Variants in ZNF91 observed in about 807,000 individuals in gnomAD.
ZNF91 encodes the protein zinc finger protein 91 (HPF7, HTF10).
A neutral mutation model predicts 12.6 loss-of-function variants in ZNF91; 7 were observed. The ratio of observed to expected loss-of-function variants is 0.55; its 90% confidence interval spans 0.31 to 1.04. The LOEUF (loss-of-function observed/expected upper bound fraction) is 1.04, where lower values mean the gene tolerates loss of function less well. Ranked by LOEUF, ZNF91 falls within the 50% of genes least tolerant of loss-of-function variation. The pLI is 0.05. For synonymous variants in ZNF91, 453 were observed against 462.6 expected (o/e 0.98, Z 0.27); for missense variants, 1,217 against 1,385.4 (o/e 0.88, Z 1.93).
chr19:23,334,622 A>G (rs544931289), downstream of ZNF91, among the ~76,000 whole-genome samples: 76 of 152,306 alleles, frequency 5.0e-4, no homozygotes, highest in African/African-American at 1.8e-3. Context: ...AACTTCCCTA[A>G]TTGTATTTAC....
At chr19:23,337,341 T>A (rs999027061), downstream of ZNF91, among the ~76,000 whole-genome samples, 1 of 116,936 alleles carries the variant, frequency 8.6e-6, no homozygotes, top group African/African-American at 2.6e-5. Context: ...TATATATGTG[T>A]GTGTGTATGT....
intron 1 of ZNF91, among the ~76,000 whole-genome samples, chr19:23,388,680 T>C (rs1225151353): frequency 1.3e-5 from 2 of 152,150 alleles, no homozygotes; most frequent in Non-Finnish European, 2.9e-5. Context: ...GAGACCAGCC[T>C]GGCCATTATG....
chr19:23,372,875 T>G (rs1568394825), intron 3 of ZNF91, among the ~76,000 whole-genome samples: 2 of 152,178 alleles, frequency 1.3e-5, no homozygotes, highest in Non-Finnish European at 2.9e-5. Flanking sequence ...CTCATCCACA[T>G]CCTCATATAA....
At chr19:23,353,959 T>G (rs1275918342), downstream of ZNF91, among the ~76,000 whole-genome samples, 1 of 151,910 alleles carries the variant, frequency 6.6e-6, no homozygotes, top group East Asian at 1.9e-4. Flanking sequence ...AATTTAAAAA[T>G]TACCAACAAA....
chr19:23,361,112 T>C lies in ZNF91; in HGVS notation c.1867A>G (p.Ile623Val). ...WSSTLRRHKR[I>V]HTGEKPYKCE... ...TTGTAGGGTTTCTCTCCAGTGTGTA[T>C]CCTCTTATGTCTTCTTAGGGTTGAG... The change falls in exon 4 of 4, where the codon ATA (isoleucine) becomes GTA (valine). Residue 623 changes from isoleucine to valine, a missense_variant. This residue lies in a region of ZNF91 where 726 missense variants were observed against 895.5 expected (regional missense o/e 0.81). Coordinates refer to ENST00000300619, the MANE Select transcript of ZNF91 (RefSeq NM_003430.4). 6.2e-7 allele frequency: 1 copy of C among 1,613,980 alleles called. No homozygotes were observed. The highest frequency in any genetic ancestry group is 1.3e-5 in the African/African-American group (1 of 75,044).
chr19:23,309,748 G>C (rs976987927), intron 1 of ZNF91, among the ~76,000 whole-genome samples: 2 of 152,126 alleles, frequency 1.3e-5, no homozygotes, highest in Admixed American at 1.3e-4. Context: ...GTAAGATCCT[G>C]GGTTTCCTTT....
chr19:23,332,539 C>T (rs1371068955), intron 1 of ZNF91, among the ~76,000 whole-genome samples: 2 of 152,088 alleles, frequency 1.3e-5, no homozygotes, highest in Non-Finnish European at 1.5e-5. Context: ...AGACACGATT[C>T]GTTCACCAAA....
At chr19:23,340,104 A>G (rs908423425) in intron 3 of ZNF91, 6 of 152,116 alleles carry the variant, frequency 3.9e-5, no homozygotes, top group African/African-American at 1.4e-4. Context: ...AAGCTTACAT[A>G]TTAAGGACCT....
chr19:23,354,804 T>C (rs295376), downstream of ZNF91, among the ~76,000 whole-genome samples: 16,198 of 151,870 alleles, frequency 0.11, 1,319 homozygotes, highest in East Asian at 0.37. Context: ...CACAACTCAG[T>C]AGCTCTTCTA....
intron 1 of ZNF91, chr19:23,380,721 C>T (rs1248816887): frequency 6.6e-6 from 1 of 152,170 alleles, no homozygotes; most frequent in African/African-American, 2.4e-5. Context: ...CATAGCTACT[C>T]ACAGCATGAG....
chr19:23,323,804 TTTC>T (rs1302142010), intron 1 of ZNF91, among the ~76,000 whole-genome samples: 8 of 151,332 alleles, frequency 5.3e-5, no homozygotes, highest in Non-Finnish European at 1.2e-4. Context: ...TTCTCCTCTT[TTTC>T]TACTCCTCCT....
intron 3 of ZNF91, chr19:23,340,249 G>C (rs1340554877): frequency 1.3e-5 from 2 of 152,084 alleles, no homozygotes; most frequent in Non-Finnish European, 1.5e-5. Flanking sequence ...AGAATAAAGA[G>C]TTGGTTTTTC....
At chr19:23,364,985 C>T (rs542257992) in intron 3 of ZNF91, among the ~76,000 whole-genome samples, 1 of 152,018 alleles carries the variant, frequency 6.6e-6, no homozygotes, top group African/African-American at 2.4e-5. Flanking sequence ...GTGGCATACC[C>T]TAAAATATAT....
Position 23,392,450 on chromosome 19 carries a change from G to GT in ZNF91, c.30+2874dup, listed in dbSNP as rs762859531. On this transcript the variant is annotated intron_variant, in intron 1 of 3. Transcript: ENST00000300619. ...AGTCACATGGGAACACTTCTAGGAG[G>GT]TATCAAGTTTCATCACATAAAATTT... is the stretch of plus-strand genomic sequence containing the variant. Among the ~76,000 whole-genome samples the GT allele has an allele frequency of 2.0e-5, 3 of 151,198 alleles. No homozygotes were observed. The South Asian group carries it at 6.3e-4, about 32-fold the overall frequency.
At chr19:23,323,490 TATC>T (rs1177875953) in intron 1 of ZNF91, among the ~76,000 whole-genome samples, 14 of 125,738 alleles carry the variant, frequency 1.1e-4, no homozygotes, top group Admixed American at 4.4e-4. Flanking sequence ...GTCTTCTTCC[TATC>T]ATCCTCCTTT....
chr19:23,341,776 A>T (rs552144296), intron 3 of ZNF91, among the ~76,000 whole-genome samples: 215 of 152,310 alleles, frequency 1.4e-3, no homozygotes, highest in Non-Finnish European at 2.6e-3. Context: ...ACAAATCTTA[A>T]TATCACCACT....
At chr19:23,306,652 G>T (rs1264478782) in intron 3 of ZNF91, among the ~76,000 whole-genome samples, 1 of 152,192 alleles carries the variant, frequency 6.6e-6, no homozygotes, top group Non-Finnish European at 1.5e-5. Flanking sequence ...CCCTGGCCCT[G>T]CCTACAGAGA....
chr19:23,343,379 A>G (rs1372287838), intron 3 of ZNF91, among the ~76,000 whole-genome samples: 3 of 152,234 alleles, frequency 2.0e-5, no homozygotes, highest in Non-Finnish European at 4.4e-5. Flanking sequence ...AATAGTTTGT[A>G]AAACATCTAG....
rs1313602664 is a variant in ZNF91, at chr19:23,358,556, T to G, written c.*847A>C. On this transcript the variant is annotated 3_prime_UTR_variant, in exon 4 of 4. Transcript: ENST00000300619. ...GACAGTAATTACACTTCTTATTTAG[T>G]ATGAACGCTCTGAATTTGAGTACGA... The G allele has an allele frequency of 1.3e-5, 2 of 152,346 alleles. No individual in the cohort carries two copies. Among genetic ancestry groups the G allele is most frequent in the Non-Finnish European group, 2.9e-5 (2 of 68,102 alleles). The allele number at this position is 152,346 out of a possible 1,614,324, so 9.4% of individuals were successfully genotyped here.
Sources: allele counts gnomAD v4.1 joint callset (sites outside exome capture counted in the v4.1 genomes callset), GRCh38; gene constraint gnomAD v4.1.1; regional missense constraint gnomAD v4.1.1; transcripts MANE v1.5; gene names NCBI Gene and HGNC (gene_info 2026-07-23, HGNC 2026-07-21).